Variants in SAMTOR observed in about 807,000 individuals in gnomAD.
The protein encoded by SAMTOR is S-adenosylmethionine sensor upstream of mTORC1, also known as UPF0532 protein C7orf60.
At chr7:112,820,706 T>C in the SAMTOR span, 3 of 152,050 alleles carry the variant, frequency 2.0e-5, no homozygotes, top group African/African-American at 7.2e-5. Flanking sequence ...AAGAAAATTT[T>C]CTGATAAAGT....
chr7:112,829,730 T>C, the SAMTOR span, among the ~76,000 whole-genome samples: 2 of 152,368 alleles, frequency 1.3e-5, no homozygotes, highest in South Asian at 4.1e-4. Context: ...TACATGGGAC[T>C]AGAGCACTAG....
chr7:112,880,344 C>A, the SAMTOR span, among the ~76,000 whole-genome samples: 1 of 152,068 alleles, frequency 6.6e-6, no homozygotes, highest in African/African-American at 2.4e-5. Context: ...GCTAGACGAT[C>A]ATACAGTATT....
chr7:112,826,788 T>C, the SAMTOR span, among the ~76,000 whole-genome samples: 1 of 152,204 alleles, frequency 6.6e-6, no homozygotes, highest in Non-Finnish European at 1.5e-5. Flanking sequence ...GTGACATCTA[T>C]GCATTTTGAT....
chr7:112,939,641 G>C, the SAMTOR span: 6 of 1,613,876 alleles, frequency 3.7e-6, no homozygotes, highest in Non-Finnish European at 5.1e-6. Flanking sequence ...CACCACACCG[G>C]AGAGCTTCTC....
chr7:112,902,272 A>G, the SAMTOR span, among the ~76,000 whole-genome samples: 7 of 151,690 alleles, frequency 4.6e-5, no homozygotes, highest in Admixed American at 4.6e-4. Flanking sequence ...ATGGTGGCGC[A>G]TGCCTGTAAT....
the SAMTOR span, among the ~76,000 whole-genome samples, chr7:112,877,882 G>A: frequency 7.9e-4 from 120 of 152,198 alleles, no homozygotes; most frequent in Admixed American, 2.5e-3. Flanking sequence ...TTCGCCTTCC[G>A]CTGTGAATAA....
the SAMTOR span, among the ~76,000 whole-genome samples, chr7:112,933,504 A>G: frequency 6.6e-6 from 1 of 152,222 alleles, no homozygotes; most frequent in Non-Finnish European, 1.5e-5. Context: ...TTGAAAAATC[A>G]TTAACTCATT....
the SAMTOR span, among the ~76,000 whole-genome samples, chr7:112,859,989 A>G: frequency 6.6e-6 from 1 of 152,122 alleles, no homozygotes; most frequent in Non-Finnish European, 1.5e-5. Context: ...ATTCACTCTC[A>G]CCCAGAGCAA....
At chr7:112,836,674 C>A in the SAMTOR span, among the ~76,000 whole-genome samples, 1 of 151,980 alleles carries the variant, frequency 6.6e-6, no homozygotes, top group African/African-American at 2.4e-5. Context: ...CAGTTTCAAT[C>A]TTCTGCATAT....
chr7:112,934,339 A>G, the SAMTOR span, among the ~76,000 whole-genome samples: 1 of 152,202 alleles, frequency 6.6e-6, no homozygotes, highest in Non-Finnish European at 1.5e-5. Flanking sequence ...CAAAGGATAG[A>G]TTGCAAACTA....
chr7:112,897,651 T>G, the SAMTOR span, among the ~76,000 whole-genome samples: 1 of 152,134 alleles, frequency 6.6e-6, no homozygotes, highest in Admixed American at 6.5e-5. Flanking sequence ...AAAATAACAC[T>G]TCATTTTACT....
At chr7:112,905,969 C>A in the SAMTOR span, among the ~76,000 whole-genome samples, 2 of 152,202 alleles carry the variant, frequency 1.3e-5, no homozygotes, top group East Asian at 3.9e-4. Flanking sequence ...TACACCTTGA[C>A]AACCCAAGAG....
At chr7:112,823,975 G>T in the SAMTOR span, among the ~76,000 whole-genome samples, 1 of 152,160 alleles carries the variant, frequency 6.6e-6, no homozygotes, top group African/African-American at 2.4e-5. Context: ...ATGTTAAAGT[G>T]TCTGTTCAAA....
At chr7:112,856,340 CCCAGGTTCAAGCAGT>C in the SAMTOR span, among the ~76,000 whole-genome samples, 1 of 151,352 alleles carries the variant, frequency 6.6e-6, no homozygotes, top group Non-Finnish European at 1.5e-5. Context: ...ACCTCTGCCT[CCCAGGTTCAAGCAGT>C]TGTCATGCCT....
At chr7:112,902,429 C>CAAAAAAAAAAAA in the SAMTOR span, among the ~76,000 whole-genome samples, 1 of 58,578 alleles carries the variant, frequency 1.7e-5, no homozygotes, top group Non-Finnish European at 2.8e-5. Context: ...AAAAAAAAAA[C>CAAAAAAAAAAAA]AAAAAAAAAC....
chr7:112,935,580 C>G, the SAMTOR span, among the ~76,000 whole-genome samples: 1 of 6,584 alleles, frequency 1.5e-4, no homozygotes, highest in African/African-American at 1.7e-4. Context: ...TTAGTACATA[C>G]TTTTACTTTT....
chr7:112,933,362 G>A, the SAMTOR span, among the ~76,000 whole-genome samples: 1 of 152,102 alleles, frequency 6.6e-6, no homozygotes, highest in African/African-American at 2.4e-5. Context: ...TATAGAAATG[G>A]CTACCAAAAG....
the SAMTOR span, among the ~76,000 whole-genome samples, chr7:112,836,003 T>C: frequency 6.6e-6 from 1 of 152,262 alleles, no homozygotes; most frequent in Admixed American, 6.5e-5. Flanking sequence ...GTATACCCAA[T>C]AATGGGGGAT....
At chr7:112,924,775 AATC>A in the SAMTOR span, among the ~76,000 whole-genome samples, 47 of 151,858 alleles carry the variant, frequency 3.1e-4, no homozygotes, top group African/African-American at 1.1e-3. Flanking sequence ...AATCATGTTA[AATC>A]ATAATAAATT....
Sources: allele counts gnomAD v4.1 joint callset (sites outside exome capture counted in the v4.1 genomes callset), GRCh38; gene constraint gnomAD v4.1.1; transcripts MANE v1.5; gene names NCBI Gene and HGNC (gene_info 2026-07-23, HGNC 2026-07-21).